Variants in LHFPL3 observed in about 807,000 individuals in gnomAD.
LHFPL3 encodes LHFPL tetraspan subfamily member 3, also known as LHFPL tetraspan subfamily member 3 protein.
A neutral mutation model predicts 19.3 loss-of-function variants in LHFPL3; 5 were observed. The ratio of observed to expected loss-of-function variants is 0.26; its 90% CI spans 0.14 to 0.54. LHFPL3 has a LOEUF of 0.54. LHFPL3 is among the 20% of genes least tolerant of loss of function. The pLI, the probability that LHFPL3 is intolerant of heterozygous loss-of-function variation, is 0.94. For missense variants in LHFPL3, 249 were observed against 307.4 expected (o/e 0.81, Z 1.42); for synonymous variants, 133 against 126.2 (o/e 1.05, Z -0.36).
intron 1 of LHFPL3, among the ~76,000 whole-genome samples, chr7:104,426,709 T>C (rs533837257): frequency 3.9e-5 from 6 of 152,332 alleles, no homozygotes; most frequent in African/African-American, 1.4e-4. Flanking sequence ...ACCTTATATA[T>C]AGTTTGGGAA....
At chr7:104,461,563 G>T (rs1248368795) in intron 1 of LHFPL3, among the ~76,000 whole-genome samples, 1 of 152,072 alleles carries the variant, frequency 6.6e-6, no homozygotes. Flanking sequence ...ATTGGTCTAT[G>T]TGTGTGTTTT....
Position 104,418,810 on chromosome 7 carries a change from G to C in LHFPL3, c.445+89586G>C, listed in dbSNP as rs117274135. The stretch of plus-strand genomic sequence containing the variant: ...CAGGTGGAAGGGATGGCATGAAAAA[G>C]ATACAGAATGAGAAATACTCATTAT... On this transcript the variant is annotated intron_variant, in intron 1 of 2. Coordinates refer to ENST00000424859, the MANE Select transcript of LHFPL3 (RefSeq NM_199000.3). 6.6e-5 allele frequency among the ~76,000 whole-genome samples: 10 copies of C among 152,276 alleles called. No homozygotes were observed. The East Asian group carries it at 1.9e-3, about 29-fold the overall frequency.
At chr7:104,818,886 G>T (rs556457332) in intron 2 of LHFPL3, among the ~76,000 whole-genome samples, 2 of 151,394 alleles carry the variant, frequency 1.3e-5, no homozygotes, top group Admixed American at 1.3e-4. Flanking sequence ...TTGTTTTGGG[G>T]TTTCCTCCTC....
chr7:104,557,039 A>G (rs1407134957), intron 1 of LHFPL3, among the ~76,000 whole-genome samples: 1 of 152,194 alleles, frequency 6.6e-6, no homozygotes, highest in Non-Finnish European at 1.5e-5. Flanking sequence ...GTCATTGTCC[A>G]TATTATTATC....
At chr7:104,408,610 A>G (rs1791467695) in intron 1 of LHFPL3, among the ~76,000 whole-genome samples, 4 of 152,214 alleles carry the variant, frequency 2.6e-5, no homozygotes, top group Admixed American at 2.6e-4. Flanking sequence ...AAAGGAAGCC[A>G]TCTGGCCAAA....
At chr7:104,424,199 ATAT>A (rs1212189416) in intron 1 of LHFPL3, among the ~76,000 whole-genome samples, 2 of 152,140 alleles carry the variant, frequency 1.3e-5, no homozygotes, top group East Asian at 3.9e-4. Flanking sequence ...AGATTTGCTG[ATAT>A]TATTATCAAG....
intron 2 of LHFPL3, among the ~76,000 whole-genome samples, chr7:104,874,728 C>G (rs1791905080): frequency 1.3e-5 from 2 of 152,140 alleles, no homozygotes; most frequent in South Asian, 4.1e-4. Flanking sequence ...GTAATTCTTT[C>G]TTATGCTTAC....
At chr7:104,390,372 G>A (rs1161705792) in intron 1 of LHFPL3, among the ~76,000 whole-genome samples, 1 of 149,108 alleles carries the variant, frequency 6.7e-6, no homozygotes, top group Non-Finnish European at 1.5e-5. Flanking sequence ...AGTGTGTAGT[G>A]TTCCCCAACC....
intron 2 of LHFPL3, among the ~76,000 whole-genome samples, chr7:104,758,083 C>G: frequency 6.6e-6 from 1 of 152,146 alleles, no homozygotes; most frequent in South Asian, 2.1e-4. Flanking sequence ...GGCCATCATC[C>G]TAAGCGAATT....
intron 1 of LHFPL3, among the ~76,000 whole-genome samples, chr7:104,705,412 T>C (rs1448959380): frequency 6.6e-6 from 1 of 152,156 alleles, no homozygotes; most frequent in Non-Finnish European, 1.5e-5. Context: ...TCATCTTCAG[T>C]TTGAGGTTTT....
chr7:104,518,624 A>G (rs1793969904), intron 1 of LHFPL3, among the ~76,000 whole-genome samples: 1 of 152,192 alleles, frequency 6.6e-6, no homozygotes, highest in Non-Finnish European at 1.5e-5. Flanking sequence ...TCTCCATTAA[A>G]AATACAAAAA....
intron 1 of LHFPL3, among the ~76,000 whole-genome samples, chr7:104,372,146 T>C (rs1002931903): frequency 1.3e-5 from 2 of 152,326 alleles, no homozygotes; most frequent in East Asian, 3.9e-4. Flanking sequence ...GAGCTAAATA[T>C]GACTTTCTTC....
chr7:104,743,366 A>G (rs1793973128), intron 2 of LHFPL3, among the ~76,000 whole-genome samples: 1 of 152,204 alleles, frequency 6.6e-6, no homozygotes, highest in Non-Finnish European at 1.5e-5. Context: ...ACAGAGCCCC[A>G]GATCATAGAC....
chr7:104,444,458 A>G lies in LHFPL3; in HGVS notation c.445+115234A>G, dbSNP rs536765790. Among the ~76,000 whole-genome samples the G allele has an allele frequency of 1.8e-4, 27 of 152,310 alleles. No individual in the cohort carries two copies. The South Asian group carries it at 5.6e-3, about 32-fold the overall frequency. On this transcript the variant is annotated intron_variant, in intron 1 of 2. Coordinates refer to ENST00000424859, the MANE Select transcript of LHFPL3 (RefSeq NM_199000.3). Reference sequence around the variant, plus strand: ...CCTGTATTTTTAGATAATTCTCCATATGGATTATGTTTAAAGGAATTTAAA... The same window carrying G: ...CCTGTATTTTTAGATAATTCTCCATGTGGATTATGTTTAAAGGAATTTAAA...
chr7:104,453,140 G>A (rs1792473160), intron 1 of LHFPL3, among the ~76,000 whole-genome samples: 1 of 151,716 alleles, frequency 6.6e-6, no homozygotes, highest in Non-Finnish European at 1.5e-5. Flanking sequence ...AGACTTGCTT[G>A]TGTAAAATAA....
At chr7:104,900,206 G>A (rs979132770) in intron 2 of LHFPL3, among the ~76,000 whole-genome samples, 1 of 152,216 alleles carries the variant, frequency 6.6e-6, no homozygotes, top group African/African-American at 2.4e-5. Context: ...TTATAAATCA[G>A]CAGCAACATT....
chr7:104,519,142 T>G (rs974580723), intron 1 of LHFPL3, among the ~76,000 whole-genome samples: 3 of 152,086 alleles, frequency 2.0e-5, no homozygotes, highest in Admixed American at 2.0e-4. Context: ...TGTCAATCAC[T>G]TACTCTTCCC....
At chr7:104,436,392 A>G (rs996019419) in intron 1 of LHFPL3, among the ~76,000 whole-genome samples, 1 of 152,172 alleles carries the variant, frequency 6.6e-6, no homozygotes, top group African/African-American at 2.4e-5. Context: ...CATCACAGAG[A>G]GTGAATAACT....
Position 104,638,433 on chromosome 7 carries a change from A to G in LHFPL3, c.446-98242A>G, listed in dbSNP as rs184066644. 1.1e-4 allele frequency among the ~76,000 whole-genome samples: 17 copies of G among 151,846 alleles called. No homozygotes were observed. In the East Asian group the frequency reaches 3.3e-3, roughly 30 times the overall value. ...CAGGACTTCCAATACTATGTTGGAT[A>G]GGAGTGGTGAGACAGGGCATCCTTG... On this transcript the variant is annotated intron_variant, in intron 1 of 2. Transcript: ENST00000424859.
Sources: gnomAD v4.1 joint callset for allele counts (sites outside exome capture counted in the v4.1 genomes callset) on GRCh38, gnomAD v4.1.1 for gene constraint, MANE v1.5 for transcripts, NCBI Gene and HGNC (gene_info 2026-07-23, HGNC 2026-07-21) for gene names.